Variants in RARB observed in about 807,000 individuals in gnomAD.
RARB encodes retinoic acid receptor beta, also known as HBV-activated protein.
In RARB, 17 loss-of-function variants were observed where a neutral mutation model predicts 51.9. That is an observed-to-expected ratio of 0.33 (90% CI 0.22 to 0.49). The LOEUF (loss-of-function observed/expected upper bound fraction) is 0.49. Ranked by LOEUF, RARB falls within the 20% of genes least tolerant of loss-of-function variation. The pLI, the probability that RARB is intolerant of heterozygous loss-of-function variation, is 0.99. For synonymous variants in RARB, 215 were observed against 195.4 expected, an observed-to-expected ratio of 1.10 and a Z score of -0.84; for missense variants, 369 against 550.8, an observed-to-expected ratio of 0.67 and a Z score of 3.30.
At chr3:24,987,358 T>C (rs1354194978) in intron 2 of RARB, among the ~76,000 whole-genome samples, 1 of 152,174 alleles carries the variant, frequency 6.6e-6, no homozygotes, top group East Asian at 1.9e-4. Context: ...GAAAGTAGTT[T>C]AGTGACTATT....
chr3:24,910,452 G>A (rs1694969006), intron 2 of RARB, among the ~76,000 whole-genome samples: 2 of 151,684 alleles, frequency 1.3e-5, no homozygotes, highest in Admixed American at 6.6e-5. Flanking sequence ...TAAATATAGA[G>A]TAAATATATG....
At chr3:25,208,757 C>T (rs931045226) in intron 5 of RARB, among the ~76,000 whole-genome samples, 2 of 152,152 alleles carry the variant, frequency 1.3e-5, no homozygotes, top group Admixed American at 6.5e-5. Context: ...GAGCCCCTCA[C>T]ATGTTGGCTG....
chr3:25,594,337 G>C (rs886733601), intron 6 of RARB, among the ~76,000 whole-genome samples, 183 bp from the exon 7 acceptor site: 1 of 152,114 alleles, frequency 6.6e-6, no homozygotes, highest in Non-Finnish European at 1.5e-5. Context: ...ACTACCAAGG[G>C]GGGGCAGTTT....
rs532435254 is a variant in RARB, at chr3:25,076,433, A to G, written c.-328+16257A>G. On this transcript the variant is annotated intron_variant, in intron 3 of 11. Transcript: ENST00000383772. ...TAATTTTTTAATTCAGGAACATTAT[A>G]TATGCTTTGTACATGTAATGGCAGT... is the stretch of plus-strand genomic sequence containing the variant. Among the ~76,000 whole-genome samples, 5 of 152,250 alleles carry G rather than the reference A, an allele frequency of 3.3e-5. No individual in the cohort carries two copies. In the South Asian group the frequency reaches 8.3e-4, roughly 25 times the overall value.
chr3:25,188,754 CA>C (rs1486973104), intron 5 of RARB, among the ~76,000 whole-genome samples: 11 of 10,608 alleles, frequency 1.0e-3, no homozygotes, highest in Non-Finnish European at 1.6e-4. Flanking sequence ...TTTTTACCCA[CA>C]ATAGATAATA....
At chr3:25,394,491 T>C (rs966459356) in intron 5 of RARB, among the ~76,000 whole-genome samples, 2 of 152,160 alleles carry the variant, frequency 1.3e-5, no homozygotes, top group African/African-American at 4.8e-5. Flanking sequence ...GCACTGTGAG[T>C]GGAGTACTGA....
chr3:24,925,655 TAA>T (rs34972309), intron 2 of RARB, among the ~76,000 whole-genome samples: 15 of 104,786 alleles, frequency 1.4e-4, no homozygotes, highest in African/African-American at 4.3e-4. Context: ...TTTTTTTTTT[TAA>T]AAAAAAAAAA....
At position 25,581,233 on chromosome 3, in the gene RARB, G is replaced by T. The variant is rs1358084094; in HGVS notation, c.786+511G>T. 3.9e-5 allele frequency among the ~76,000 whole-genome samples: 6 copies of T among 152,188 alleles called. No homozygotes were observed. The East Asian group carries it at 5.8e-4, about 15-fold the overall frequency. ...GTAACTGTATTTGCTTTGCAGAATG[G>T]TTTATACCCAAAGCTATGAGAGACC... is the stretch of plus-strand genomic sequence containing the variant. On this transcript the variant is annotated intron_variant, in intron 5 of 7. Coordinates refer to ENST00000330688, the MANE Select transcript of RARB (RefSeq NM_000965.5).
At chr3:25,128,637 G>A (rs970475767) in intron 3 of RARB, among the ~76,000 whole-genome samples, 3 of 151,708 alleles carry the variant, frequency 2.0e-5, no homozygotes, top group Non-Finnish European at 4.4e-5. Context: ...GGAGCAGCAA[G>A]TTAGGGCACA....
At chr3:25,534,752 T>G (rs993080373) in intron 3 of RARB, among the ~76,000 whole-genome samples, 2 of 152,226 alleles carry the variant, frequency 1.3e-5, no homozygotes, top group Non-Finnish European at 2.9e-5. Flanking sequence ...TCCTTACCTG[T>G]TGGCTTTGGG....
chr3:25,104,705 T>C (rs2125322635), intron 3 of RARB, among the ~76,000 whole-genome samples: 1 of 152,166 alleles, frequency 6.6e-6, no homozygotes, highest in East Asian at 1.9e-4. Flanking sequence ...CTGGAAAATA[T>C]CCAAAGGCCC....
rs55771334 is a variant in RARB, at chr3:24,840,742, TAAA to T, written c.-459+11362_-459+11364del. The stretch of plus-strand genomic sequence containing the variant: ...TTCTTTAGTTAGGCATGAGTAAGAG[TAAA>T]AAAAAAAAAAAAAAAAAAAAAATGC... On this transcript the variant is annotated intron_variant, in intron 1 of 11. Transcript: ENST00000383772. 2.8e-3 allele frequency among the ~76,000 whole-genome samples: 200 copies of T among 70,354 alleles called. 1 individual carries two copies. Among genetic ancestry groups the T allele is most frequent in the African/African-American group, 0.01 (187 of 18,154 alleles). The allele number at this position is 70,354 out of a possible 152,430, so 46.2% of individuals were successfully genotyped here.
At chr3:25,493,006 A>C (rs1321906397) in intron 2 of RARB, among the ~76,000 whole-genome samples, 1 of 151,962 alleles carries the variant, frequency 6.6e-6, no homozygotes, top group African/African-American at 2.4e-5. Flanking sequence ...TTTAAACAAA[A>C]ATAAACAACT....
In RARB at chr3:25,358,178, C is replaced by T. The variant is rs535273735; in HGVS notation, c.179-103015C>T. Among the ~76,000 whole-genome samples the T allele has an allele frequency of 1.8e-4, 27 of 152,222 alleles. No homozygotes were observed. In the East Asian group the frequency reaches 3.3e-3, roughly 18 times the overall value. ...CCTTGAGCAGTGGTTTGTAGTTCTC[C>T]TTGAAGAGGTCCTTCACATCCCATG... On this transcript the variant is annotated intron_variant, in intron 5 of 11. Coordinates refer to the RARB transcript ENST00000383772.
At chr3:25,125,213 G>C (rs1699842381) in intron 3 of RARB, among the ~76,000 whole-genome samples, 1 of 152,206 alleles carries the variant, frequency 6.6e-6, no homozygotes, top group Non-Finnish European at 1.5e-5. Context: ...GAAAGACGAA[G>C]TTTAATCAGG....
intron 5 of RARB, among the ~76,000 whole-genome samples, chr3:25,178,946 C>T (rs1043709782): frequency 6.6e-6 from 1 of 152,116 alleles, no homozygotes; most frequent in Non-Finnish European, 1.5e-5. Flanking sequence ...TAGGTTGTTG[C>T]AAGCTGGAAA....
intron 3 of RARB, among the ~76,000 whole-genome samples, chr3:25,126,526 G>A (rs1400355904): frequency 6.6e-6 from 1 of 151,932 alleles, no homozygotes; most frequent in Non-Finnish European, 1.5e-5. Context: ...CTTCCAGTCT[G>A]CTAGAATGTC....
chr3:25,110,503 G>C (rs1192111819), intron 3 of RARB, among the ~76,000 whole-genome samples: 2 of 152,078 alleles, frequency 1.3e-5, no homozygotes, highest in Middle Eastern at 3.2e-3. Context: ...AATACCAGTT[G>C]TTTCATTTTA....
At chr3:24,952,611 T>C (rs897535751) in intron 2 of RARB, among the ~76,000 whole-genome samples, 9 of 152,164 alleles carry the variant, frequency 5.9e-5, no homozygotes, top group African/African-American at 2.2e-4. Flanking sequence ...TCTATCTAGC[T>C]TGGTGCGTGG....
Sources: gnomAD v4.1 joint callset for allele counts (sites outside exome capture counted in the v4.1 genomes callset) on GRCh38, gnomAD v4.1.1 for gene constraint, MANE v1.5 for transcripts, NCBI Gene and HGNC (gene_info 2026-07-23, HGNC 2026-07-21) for gene names.